Variants in NR3C1 observed in about 807,000 individuals in gnomAD.
NR3C1 encodes glucocorticoid receptor.
NR3C1 carries 14 observed loss-of-function variants against 74.0 expected under a neutral mutation model. That is an observed-to-expected ratio of 0.19 (90% CI 0.12 to 0.30). The LOEUF (loss-of-function observed/expected upper bound fraction) is 0.30, where lower values mean the gene tolerates loss of function less well. NR3C1 is among the 10% of genes least tolerant of loss of function. NR3C1 has a pLI of 1.00. For synonymous variants in NR3C1, 308 were observed against 332.5 expected (o/e 0.93, Z 0.80); for missense variants, 695 against 909.8 (o/e 0.76, Z 3.04).
intron 7 of NR3C1, among the ~76,000 whole-genome samples, chr5:143,284,674 A>T (rs1489116547): frequency 1.3e-5 from 2 of 152,064 alleles, no homozygotes; most frequent in Non-Finnish European, 2.9e-5. Flanking sequence ...GAAATCACTA[A>T]CATTACTTCC....
chr5:143,282,165 C>G (rs1293342765), intron 8 of NR3C1, 124 bp from the exon 9 acceptor site: 2 of 984,898 alleles, frequency 2.0e-6, no homozygotes, highest in Admixed American at 2.0e-5. Flanking sequence ...CTGGAATTCC[C>G]CAGATGAAAA....
intron 2 of NR3C1, among the ~76,000 whole-genome samples, chr5:143,318,304 G>A (rs562696029): frequency 9.9e-5 from 15 of 152,018 alleles, no homozygotes; most frequent in African/African-American, 1.9e-4. Context: ...GGACAATTTC[G>A]TTTTTTAAAG....
At chr5:143,428,551 G>T (rs1360655762) in intron 1 of NR3C1, among the ~76,000 whole-genome samples, 1 of 152,178 alleles carries the variant, frequency 6.6e-6, no homozygotes, top group African/African-American at 2.4e-5. Context: ...TAGTTCAGGG[G>T]CTGGCAAACT....
chr5:143,309,978 GCATA>G, intron 4 of NR3C1, 115 bp downstream of exon 4: 1 of 775,824 alleles, frequency 1.3e-6, no homozygotes, highest in East Asian at 2.6e-5. Flanking sequence ...TGCTAGTCAA[GCATA>G]TATATACTGA....
At chr5:143,425,650 G>A (rs1751490552) in intron 1 of NR3C1, among the ~76,000 whole-genome samples, 1 of 152,104 alleles carries the variant, frequency 6.6e-6, no homozygotes, top group Non-Finnish European at 1.5e-5. Flanking sequence ...TTACAGAAAT[G>A]CAAATTGAAA....
chr5:143,348,206 T>C lies in NR3C1; in HGVS notation c.1185-34038A>G, dbSNP rs1600165308. Among the ~76,000 whole-genome samples the C allele has an allele frequency of 2.0e-5, 3 of 152,186 alleles. No homozygotes were observed. In the South Asian group the frequency reaches 6.2e-4, roughly 32 times the overall value. On this transcript the variant is annotated intron_variant, in intron 2 of 8. Coordinates refer to ENST00000394464, the MANE Select transcript of NR3C1 (RefSeq NM_000176.3). ...TACTTTGGAGCTTCAATTACAAAATTTGAAATGTGACTTCAGATAAAACTA... is the reference window on the plus strand; with the variant it reads ...TACTTTGGAGCTTCAATTACAAAATCTGAAATGTGACTTCAGATAAAACTA...
At chr5:143,399,560 A>G in intron 2 of NR3C1, 96 bp downstream of exon 2, 1 of 999,502 alleles carries the variant, frequency 1.0e-6, no homozygotes, top group Non-Finnish European at 1.5e-6. Context: ...AAAGCACATG[A>G]ATCTTTAGAG....
chr5:143,349,931 C>A (rs1829945003), intron 2 of NR3C1, among the ~76,000 whole-genome samples: 1 of 151,954 alleles, frequency 6.6e-6, no homozygotes, highest in Admixed American at 6.6e-5. Flanking sequence ...AATGGGCCTG[C>A]ATGACAATGT....
rs1309580008 is a variant in NR3C1, at chr5:143,281,529, G to C, written c.*360C>G. On this transcript the variant is annotated 3_prime_UTR_variant, in exon 9 of 9. Coordinates refer to ENST00000394464, the MANE Select transcript of NR3C1 (RefSeq NM_000176.3). ...TCTAGAAAATTTCATCCAGCCAACTGTGAAAAAAAGTATGAAGAGAAAGTT... is the reference window on the plus strand; with the variant it reads ...TCTAGAAAATTTCATCCAGCCAACTCTGAAAAAAAGTATGAAGAGAAAGTT... 1 of 246,418 alleles carries C rather than the reference G, an allele frequency of 4.1e-6. No homozygotes were observed. Among genetic ancestry groups the C allele is most frequent in the Non-Finnish European group, 8.0e-6 (1 of 125,156 alleles). The allele number at this position is 246,418 out of a possible 1,614,324, so 15.3% of individuals were successfully genotyped here. A position where few individuals can be genotyped will look rare whatever the true frequency, so the allele number is the denominator to read the frequency against.
At chr5:143,368,828 T>C (rs575744987) in intron 2 of NR3C1, among the ~76,000 whole-genome samples, 1 of 152,270 alleles carries the variant, frequency 6.6e-6, no homozygotes, top group African/African-American at 2.4e-5. Flanking sequence ...ATTTCTTACA[T>C]TTCTGGAGGC....
intron 2 of NR3C1, among the ~76,000 whole-genome samples, chr5:143,367,348 A>C (rs1306545989): frequency 6.6e-6 from 1 of 152,208 alleles, no homozygotes; most frequent in African/African-American, 2.4e-5. Context: ...ATGAAGACCA[A>C]CACAAAGATG....
intron 2 of NR3C1, among the ~76,000 whole-genome samples, chr5:143,365,522 A>G (rs750595743): frequency 1.3e-4 from 20 of 152,228 alleles, no homozygotes; most frequent in Non-Finnish European, 2.6e-4. Context: ...AAAATATATA[A>G]AGCAAAAAGT....
At position 143,399,875 on chromosome 5, in the gene NR3C1, T is replaced by C; in HGVS notation, c.965A>G (p.His322Arg). Residue 322 changes from histidine (H) to arginine (R), a missense_variant, in exon 2 of 9, where the codon CAT becomes CGT. Around this residue, in one of 4 missense-constraint regions of NR3C1, gnomAD observed 497 missense variants for 489.5 expected, o/e 1.02. Coordinates refer to ENST00000394464, the MANE Select transcript of NR3C1 (RefSeq NM_000176.3). ...IGNKMSAISVHGVSTSGGQMY... is the reference protein window; with the variant it reads ...IGNKMSAISVRGVSTSGGQMY... ...CTGTCCTCCAGAGGTACTCACACCATGAACAGAAATGGCAGACATTTTATT... is the reference window on the plus strand; with the variant it reads ...CTGTCCTCCAGAGGTACTCACACCACGAACAGAAATGGCAGACATTTTATT... The C allele has an allele frequency of 3.1e-6, 5 of 1,614,224 alleles. No individual in the cohort carries two copies. The highest frequency in any genetic ancestry group is 4.2e-6 in the Non-Finnish European group (5 of 1,180,038).
intron 2 of NR3C1, among the ~76,000 whole-genome samples, chr5:143,367,457 A>C (rs1297620361): frequency 6.6e-6 from 1 of 152,188 alleles, no homozygotes; most frequent in African/African-American, 2.4e-5. Context: ...GAAAGGGAAG[A>C]AGTAAAATTA....
At chr5:143,371,878 C>G (rs1834298365) in intron 2 of NR3C1, among the ~76,000 whole-genome samples, 1 of 152,174 alleles carries the variant, frequency 6.6e-6, no homozygotes, top group Non-Finnish European at 1.5e-5. Flanking sequence ...TACCTATACT[C>G]AAACTGCTGA....
Position 143,399,917 on chromosome 5 carries a change from C to G in NR3C1, c.923G>C (p.Gly308Ala), listed in dbSNP as rs1839939434. ...GTVYCQASFP[G>A]ANIIGNKMSA... Reference sequence around the variant, plus strand: ...CATTTTATTACCAATTATATTTGCTCCAGGAAAGCTTGCCTGACAGTAAAC... The same window carrying G: ...CATTTTATTACCAATTATATTTGCTGCAGGAAAGCTTGCCTGACAGTAAAC... The change falls in exon 2 of 9, where the codon GGA becomes GCA. Residue 308 changes from glycine (G) to alanine (A), a missense_variant. By Grantham distance (60) the Gly-to-Ala change is moderately conservative. Coordinates refer to ENST00000394464, the MANE Select transcript of NR3C1 (RefSeq NM_000176.3). 5 of 1,614,018 alleles carry G rather than the reference C, an allele frequency of 3.1e-6. No individual in the cohort carries two copies. Among genetic ancestry groups the G allele is most frequent in the Non-Finnish European group, 3.4e-6 (4 of 1,180,036 alleles).
At chr5:143,289,793 G>A (rs976611658) in intron 7 of NR3C1, among the ~76,000 whole-genome samples, 2 of 152,162 alleles carry the variant, frequency 1.3e-5, no homozygotes, top group South Asian at 2.1e-4. Flanking sequence ...GTATACCTAC[G>A]ATGAAAGAGG....
chr5:143,419,504 G>A (rs1751104451), intron 1 of NR3C1, among the ~76,000 whole-genome samples: 1 of 152,148 alleles, frequency 6.6e-6, no homozygotes, highest in Admixed American at 6.5e-5. Context: ...GAAATAAAGG[G>A]ACAGAGTTCA....
At chr5:143,348,087 C>A (rs892719215) in intron 2 of NR3C1, among the ~76,000 whole-genome samples, 1 of 152,156 alleles carries the variant, frequency 6.6e-6, no homozygotes, top group Non-Finnish European at 1.5e-5. Context: ...GCTCTCTGGG[C>A]CTCCAAGGTT....
Sources: gnomAD v4.1 joint callset for allele counts (sites outside exome capture counted in the v4.1 genomes callset) on GRCh38, gnomAD v4.1.1 for gene constraint, gnomAD v4.1.1 regional missense constraint, MANE v1.5 for transcripts, NCBI Gene and HGNC (gene_info 2026-07-23, HGNC 2026-07-21) for gene names.